Variants in RASL10A observed in about 807,000 individuals in gnomAD.
RASL10A encodes RAS like family 10 member A.
In RASL10A, 13 loss-of-function variants were observed where a neutral mutation model predicts 17.3. The observed-to-expected ratio is 0.75, with a 90% CI of 0.49 to 1.20. The LOEUF is 1.20. Ranked by LOEUF, RASL10A falls within the 50% of genes most tolerant of loss-of-function variation. The pLI is 0.00. For synonymous variants in RASL10A, 159 were observed against 142.2 expected, an observed-to-expected ratio of 1.12 and a Z score of -0.84; for missense variants, 307 against 310.3, an observed-to-expected ratio of 0.99 and a Z score of 0.08.
upstream of RASL10A, among the ~76,000 whole-genome samples, chr22:29,318,202 G>A (rs757216999): frequency 2.2e-4 from 34 of 152,318 alleles, no homozygotes; most frequent in Non-Finnish European, 4.3e-4. Context: ...CCCTGCAAAC[G>A]TGCCATGTTC....
chr22:29,318,920 G>A (rs1187638035), upstream of RASL10A, among the ~76,000 whole-genome samples: 1 of 152,212 alleles, frequency 6.6e-6, no homozygotes, highest in African/African-American at 2.4e-5. Flanking sequence ...GACGGGTGAA[G>A]ACAGGAGCTC....
chr22:29,313,901 G>A lies in RASL10A; in HGVS notation c.306C>T (p.Asp102=). 7 of 1,613,974 alleles carry A rather than the reference G, an allele frequency of 4.3e-6. No homozygotes were observed. Among genetic ancestry groups the A allele is most frequent in the Non-Finnish European group, 5.9e-6 (7 of 1,180,032 alleles). Residue 102 remains aspartate, a synonymous_variant, in exon 2 of 3, where the codon GAC becomes GAT. Transcript: ENST00000216101. ...TGCGCTGCCGCAGGGCCTTCACGTA[G>A]TCGAAACTGTCCGGGCTGCAGATGT... ...VYDICSPDSF[D]YVKALRQRIA...
Position 29,315,439 on chromosome 22 carries a change from G to T in RASL10A, c.-193C>A. 1 of 306,762 alleles carries T rather than the reference G, an allele frequency of 3.3e-6. No individual in the cohort carries two copies. The highest frequency in any genetic ancestry group is 5.8e-6 in the Non-Finnish European group (1 of 172,422). 19.0% of individuals were successfully genotyped at this position (306,762 alleles called of 1,614,324 possible). Reference sequence around the variant, plus strand: ...GGAGCTGGCGGCGGGAGGGCAGACAGACAGCCGAGTGGGCAGACAGGTGGC... The same window carrying T: ...GGAGCTGGCGGCGGGAGGGCAGACATACAGCCGAGTGGGCAGACAGGTGGC... On this transcript the variant is annotated 5_prime_UTR_variant, in exon 1 of 3. It adds an upstream start codon to the 5' untranslated region. Transcript: ENST00000216101. This position sits in a 1 kb window ranked among gnomAD's most constrained non-coding sequence, Gnocchi z 5.5.
upstream of RASL10A, chr22:29,315,722 G>T (rs1409884168): frequency 6.6e-6 from 1 of 152,188 alleles, no homozygotes; most frequent in East Asian, 1.9e-4. The surrounding 1 kb of genome is among the most constrained non-coding windows in gnomAD (Gnocchi z 5.5). Flanking sequence ...CGGCGCGAGC[G>T]AGCGGGGCCT....
upstream of RASL10A, chr22:29,317,216 T>A (rs181923312): frequency 6.6e-6 from 1 of 152,484 alleles, no homozygotes; most frequent in Admixed American, 6.5e-5. Flanking sequence ...ATGTCCTCTT[T>A]CACGTTGTAA....
At chr22:29,316,667 C>A, upstream of RASL10A, 1 of 152,424 alleles carries the variant, frequency 6.6e-6, no homozygotes, top group Non-Finnish European at 1.5e-5. Flanking sequence ...TGGGGGCTCC[C>A]ACGTCTCTGA....
rs368948417 is a variant in RASL10A, at chr22:29,315,039, C to T, written c.208G>A (p.Gly70Arg). 5.0e-5 allele frequency: 76 copies of T among 1,510,300 alleles called. No homozygotes were observed. Among genetic ancestry groups the T allele is most frequent in the East Asian group, 3.7e-4 (14 of 37,862 alleles). 93.6% of individuals were successfully genotyped at this position (1,510,300 alleles called of 1,614,324 possible). A position where few individuals can be genotyped will look rare whatever the true frequency, so the allele number is the denominator to read the frequency against. Residue 70 changes from glycine (G) to arginine (R), a missense_variant, in exon 1 of 3, where the codon GGG (glycine) becomes AGG (arginine). Physicochemically the swap from Gly to Arg is moderately radical, Grantham distance 125. Coordinates refer to ENST00000216101, the MANE Select transcript of RASL10A (RefSeq NM_006477.5). This position sits in a 1 kb window ranked among gnomAD's most constrained non-coding sequence, Gnocchi z 5.5. ...GDVAGPGSSP[G>R]GPEEWPDAKD... Reference sequence around the variant, plus strand: ...CCTCGAGCCGCTACCTCCGGACCCCCGGGGCTCGAGCCGGGGCCAGCGACG... The same window carrying T: ...CCTCGAGCCGCTACCTCCGGACCCCTGGGGCTCGAGCCGGGGCCAGCGACG...
In RASL10A at chr22:29,314,313, A is replaced by C; in HGVS notation, c.220-326T>G. On this transcript the variant is annotated intron_variant, in intron 1 of 2. Coordinates refer to ENST00000216101, the MANE Select transcript of RASL10A (RefSeq NM_006477.5). Reference sequence around the variant, plus strand: ...GGTGCTTACCACGGCCTCTAAGACTAATTCCAAAGCCCTTGGCCCGAGTCC... The same window carrying C: ...GGTGCTTACCACGGCCTCTAAGACTCATTCCAAAGCCCTTGGCCCGAGTCC... 4 of 279,542 alleles carry C rather than the reference A, an allele frequency of 1.4e-5. No individual in the cohort carries two copies. The South Asian group carries it at 1.7e-4, about 12-fold the overall frequency. 17.3% of individuals were successfully genotyped at this position (279,542 alleles called of 1,614,324 possible). A position where few individuals can be genotyped will look rare whatever the true frequency, so the allele number is the denominator to read the frequency against.
At chr22:29,317,825 C>T (rs958190545), upstream of RASL10A, among the ~76,000 whole-genome samples, 6 of 152,184 alleles carry the variant, frequency 3.9e-5, no homozygotes, top group African/African-American at 1.4e-4. Flanking sequence ...GCTGGGACTA[C>T]AGGCACATGC....
chr22:29,314,713 G>A (rs565551697), intron 1 of RASL10A, among the ~76,000 whole-genome samples: 1 of 151,940 alleles, frequency 6.6e-6, no homozygotes, highest in East Asian at 1.9e-4. Context: ...AACACAAAAC[G>A]CCACACTCTC....
At chr22:29,314,359 G>A (rs944204994) in intron 1 of RASL10A, 4 of 208,920 alleles carry the variant, frequency 1.9e-5, no homozygotes, top group Admixed American at 5.4e-5. Flanking sequence ...CACGCCCCCA[G>A]ATTGTCAGCT....
intron 1 of RASL10A, 113 bp from the exon 2 acceptor site, chr22:29,314,100 C>T (rs1224395989): frequency 2.2e-6 from 3 of 1,381,732 alleles, no homozygotes; most frequent in East Asian, 5.0e-5. Context: ...CCATACAGAC[C>T]TCTGTGCCCC....
chr22:29,315,393 G>A lies in RASL10A; in HGVS notation c.-147C>T. On this transcript the variant is annotated 5_prime_UTR_variant, in exon 1 of 3. Coordinates refer to ENST00000216101, the MANE Select transcript of RASL10A (RefSeq NM_006477.5). This position sits in a 1 kb window ranked among gnomAD's most constrained non-coding sequence, Gnocchi z 5.5. ...CGTCGCCCCTCGGAGCACCGAGACC[G>A]GAGAGGGCAGGCCCGAGGCAGGAGC... 2 of 411,868 alleles carry A rather than the reference G, an allele frequency of 4.9e-6. No individual in the cohort carries two copies. The highest frequency in any genetic ancestry group is 7.6e-6 in the Non-Finnish European group (2 of 261,504). 25.5% of individuals were successfully genotyped at this position (411,868 alleles called of 1,614,324 possible).
chr22:29,318,081 G>C (rs987671285), upstream of RASL10A, among the ~76,000 whole-genome samples: 1 of 152,114 alleles, frequency 6.6e-6, no homozygotes, highest in South Asian at 2.1e-4. Context: ...TTCTCCTTCC[G>C]ACACTGCAAA....
rs1217830368 is a variant in RASL10A at position 29,315,162 on chromosome 22, A to G, written c.85T>C (p.Tyr29His). The G allele has an allele frequency of 1.3e-6, 2 of 1,539,206 alleles. No homozygotes were observed. Among genetic ancestry groups the G allele is most frequent in the Non-Finnish European group, 1.7e-6 (2 of 1,149,078 alleles). The part of the protein sequence containing the change: ...AIIRQFLFGD[Y>H]PERHRPTDGP... Reference sequence around the variant, plus strand: ...TCCGTGGGCCGGTGGCGCTCGGGGTAGTCACCGAACAGGAACTGGCGGATG... The same window carrying G: ...TCCGTGGGCCGGTGGCGCTCGGGGTGGTCACCGAACAGGAACTGGCGGATG... The change falls in exon 1 of 3, where the codon TAC becomes CAC. Residue 29 changes from tyrosine to histidine, a missense_variant. By Grantham distance (83) the Tyr-to-His change is moderately conservative (BLOSUM62 2). Coordinates refer to ENST00000216101, the MANE Select transcript of RASL10A (RefSeq NM_006477.5). This position sits in a 1 kb window ranked among gnomAD's most constrained non-coding sequence, Gnocchi z 5.5.
chr22:29,314,735 G>C (rs920572430), intron 1 of RASL10A, among the ~76,000 whole-genome samples: 1 of 152,092 alleles, frequency 6.6e-6, no homozygotes, highest in Admixed American at 6.5e-5. Flanking sequence ...GGAAGGCACC[G>C]TTATGCACCA....
chr22:29,313,740 C>A (rs1386351501), intron 2 of RASL10A, 123 bp downstream of exon 2: 5 of 1,490,166 alleles, frequency 3.4e-6, no homozygotes, highest in Non-Finnish European at 4.5e-6. Flanking sequence ...AGCTTAAGAC[C>A]TTCCCACGGG....
chr22:29,313,914 G>A lies in RASL10A; in HGVS notation c.293C>T (p.Pro98Leu), dbSNP rs139334744. ...AFVLVYDICS[P>L]DSFDYVKALR... Reference sequence around the variant, plus strand: ...GGCCTTCACGTAGTCGAAACTGTCCGGGCTGCAGATGTCGTAGACGAGCAC... The same window carrying A: ...GGCCTTCACGTAGTCGAAACTGTCCAGGCTGCAGATGTCGTAGACGAGCAC... The change falls in exon 2 of 3, where the codon CCG becomes CTG. Residue 98 changes from proline to leucine, a missense_variant. Transcript: ENST00000216101. The A allele has an allele frequency of 2.5e-6, 4 of 1,613,874 alleles. No homozygotes were observed. The highest frequency in any genetic ancestry group is 2.7e-5 in the African/African-American group (2 of 74,940).
At chr22:29,314,241 A>T in intron 1 of RASL10A, 1 of 448,508 alleles carries the variant, frequency 2.2e-6, no homozygotes, top group Non-Finnish European at 4.0e-6. Flanking sequence ...TCCTCTTTTC[A>T]GCTTTCCCCA....
Sources: gnomAD v4.1 joint callset for allele counts (sites outside exome capture counted in the v4.1 genomes callset) on GRCh38, gnomAD v4.1.1 for gene constraint, Gnocchi (gnomAD v3.1) non-coding constraint, MANE v1.5 for transcripts, NCBI Gene and HGNC (gene_info 2026-07-23, HGNC 2026-07-21) for gene names.